TRABD2B: variants seen among roughly 807,000 people sequenced by gnomAD.
TRABD2B encodes the protein metalloprotease TIKI2.
Under a neutral mutation model 40.1 loss-of-function variants are expected in TRABD2B, and 14 were observed. That is an observed-to-expected ratio of 0.35 (90% CI 0.23 to 0.55). TRABD2B has a LOEUF of 0.55. Among genes scored for constraint, TRABD2B ranks in the 20% least tolerant of loss-of-function variants. TRABD2B has a pLI of 0.90. For synonymous variants in TRABD2B, 263 were observed against 277.0 expected (o/e 0.95, Z 0.50); for missense variants, 541 against 648.6 (o/e 0.83, Z 1.80).
chr1:47,920,029 C>T (rs1408992036), intron 2 of TRABD2B, among the ~76,000 whole-genome samples: 1 of 152,194 alleles, frequency 6.6e-6, no homozygotes, highest in Non-Finnish European at 1.5e-5. Flanking sequence ...ACACAGAAAG[C>T]TCAATTACCT....
At chr1:47,905,830 C>T (rs1324020438) in intron 2 of TRABD2B, among the ~76,000 whole-genome samples, 1 of 152,124 alleles carries the variant, frequency 6.6e-6, no homozygotes, top group Non-Finnish European at 1.5e-5. Context: ...CAATACTGAA[C>T]CAGCTGCAGA....
intron 2 of TRABD2B, among the ~76,000 whole-genome samples, chr1:47,873,522 C>T (rs1366638393): frequency 3.3e-5 from 5 of 152,146 alleles, no homozygotes; most frequent in East Asian, 1.9e-4. Flanking sequence ...GGGGCGAGGG[C>T]GTGTGCTACA....
At chr1:47,948,635 CA>C (rs1420964130) in intron 2 of TRABD2B, among the ~76,000 whole-genome samples, 2 of 152,160 alleles carry the variant, frequency 1.3e-5, no homozygotes, top group African/African-American at 4.8e-5. Context: ...GACCTCACCC[CA>C]AATTCTTTTC....
intron 2 of TRABD2B, among the ~76,000 whole-genome samples, chr1:47,804,489 C>T (rs1254795051): frequency 6.6e-6 from 1 of 152,200 alleles, no homozygotes; most frequent in Admixed American, 6.5e-5. Flanking sequence ...TGTTTCTCGG[C>T]GTCGGCTTGG....
intron 2 of TRABD2B, among the ~76,000 whole-genome samples, chr1:47,889,094 T>C (rs974804703): frequency 6.6e-6 from 1 of 152,216 alleles, no homozygotes; most frequent in Non-Finnish European, 1.5e-5. Flanking sequence ...GTCTCTCTTC[T>C]TCACCACTGA....
At chr1:47,825,812 T>G (rs1645166465) in intron 2 of TRABD2B, among the ~76,000 whole-genome samples, 1 of 151,006 alleles carries the variant, frequency 6.6e-6, no homozygotes, top group African/African-American at 2.4e-5. Context: ...GGAAAGCAAC[T>G]CCCTGAGGCT....
intron 2 of TRABD2B, among the ~76,000 whole-genome samples, chr1:47,889,481 T>C (rs755822806): frequency 4.6e-5 from 7 of 152,238 alleles, no homozygotes; most frequent in Non-Finnish European, 1.0e-4. Context: ...GACAGATACC[T>C]GAATCTTATT....
chr1:47,812,742 G>C (rs945398040), intron 2 of TRABD2B, among the ~76,000 whole-genome samples: 6 of 152,100 alleles, frequency 3.9e-5, no homozygotes, highest in African/African-American at 1.4e-4. Context: ...AAGAAAGAAA[G>C]AAAAAGAAAG....
At chr1:47,827,462 AT>A (rs890222487) in intron 2 of TRABD2B, among the ~76,000 whole-genome samples, 5 of 152,156 alleles carry the variant, frequency 3.3e-5, no homozygotes, top group Non-Finnish European at 5.9e-5. Context: ...GACATGAAAC[AT>A]TTGGGGTGGA....
intron 2 of TRABD2B, among the ~76,000 whole-genome samples, chr1:47,952,030 A>G (rs1278276658): frequency 6.6e-6 from 1 of 152,222 alleles, no homozygotes; most frequent in African/African-American, 2.4e-5. Context: ...TGCCCTGAAG[A>G]GGGAGCAGCG....
intron 4 of TRABD2B, among the ~76,000 whole-genome samples, chr1:47,790,626 T>G (rs1416652745): frequency 6.6e-6 from 1 of 152,192 alleles, no homozygotes; most frequent in Non-Finnish European, 1.5e-5. Flanking sequence ...GGGCACCACG[T>G]GCAAGGGAAA....
At chr1:47,955,326 C>G (rs1645403441) in intron 2 of TRABD2B, among the ~76,000 whole-genome samples, 1 of 152,216 alleles carries the variant, frequency 6.6e-6, no homozygotes, top group Non-Finnish European at 1.5e-5. Flanking sequence ...ACCACCTCTC[C>G]CAAATCCCGC....
At chr1:47,889,291 C>T (rs994287953) in intron 2 of TRABD2B, among the ~76,000 whole-genome samples, 4 of 152,176 alleles carry the variant, frequency 2.6e-5, no homozygotes, top group African/African-American at 4.8e-5. Context: ...ATGCAGAAGC[C>T]GAATGTCCTT....
At chr1:47,956,076 G>A (rs1645417222) in intron 2 of TRABD2B, among the ~76,000 whole-genome samples, 1 of 152,162 alleles carries the variant, frequency 6.6e-6, no homozygotes, top group Non-Finnish European at 1.5e-5. Context: ...TGTGGGGGTG[G>A]GAGGTGGTGA....
chr1:47,869,605 G>A (rs1644111983), intron 2 of TRABD2B, among the ~76,000 whole-genome samples: 3 of 152,206 alleles, frequency 2.0e-5, no homozygotes, highest in Admixed American at 1.3e-4. Flanking sequence ...GGGCTGTGGA[G>A]TTGACCAGTT....
At chr1:47,989,930 C>T (rs1239996275) in intron 2 of TRABD2B, among the ~76,000 whole-genome samples, 1 of 152,168 alleles carries the variant, frequency 6.6e-6, no homozygotes, top group Non-Finnish European at 1.5e-5. Context: ...AATGACTTCA[C>T]CTTTTCAGAT....
intron 2 of TRABD2B, among the ~76,000 whole-genome samples, chr1:47,895,589 C>T (rs1216750768): frequency 6.6e-6 from 1 of 152,230 alleles, no homozygotes; most frequent in Admixed American, 6.5e-5. Flanking sequence ...CTGGAACCAA[C>T]CCTGTTCAGA....
chr1:47,822,165 C>T (rs1178917324), intron 2 of TRABD2B, among the ~76,000 whole-genome samples: 1 of 150,632 alleles, frequency 6.6e-6, no homozygotes, highest in Non-Finnish European at 1.5e-5. Context: ...CACACACACA[C>T]ACAAACACAC....
intron 2 of TRABD2B, among the ~76,000 whole-genome samples, chr1:47,970,612 G>A (rs1453617004): frequency 6.6e-6 from 1 of 152,182 alleles, no homozygotes; most frequent in Non-Finnish European, 1.5e-5. Flanking sequence ...CCAGGCCTCT[G>A]TGGCTTAAAG....
Sources: gnomAD v4.1 joint callset for allele counts (sites outside exome capture counted in the v4.1 genomes callset) on GRCh38, gnomAD v4.1.1 for gene constraint, MANE v1.5 for transcripts, NCBI Gene and HGNC (gene_info 2026-07-23, HGNC 2026-07-21) for gene names.